CHSY3: variants seen among roughly 807,000 people sequenced by gnomAD.
The protein encoded by CHSY3 is N-acetylgalactosaminyl-proteoglycan 3-beta-glucuronosyltransferase 3.
Under a neutral mutation model 67.2 loss-of-function variants are expected in CHSY3, and 35 were observed. That is an observed-to-expected ratio of 0.52 (90% confidence interval 0.40 to 0.69). The LOEUF (loss-of-function observed/expected upper bound fraction) is 0.69. CHSY3 is among the 30% of genes least tolerant of loss of function. The probability of loss-of-function intolerance (pLI) is 0.00; values close to 1 mark genes in which losing one functional copy is unlikely to be tolerated. For missense variants in CHSY3, 1,069 were observed against 1,138.5 expected (o/e 0.94, Z 0.88); for synonymous variants, 474 against 434.7 (o/e 1.09, Z -1.12).
chr5:130,036,715 A>G (rs1200927881), intron 2 of CHSY3, among the ~76,000 whole-genome samples: 3 of 152,134 alleles, frequency 2.0e-5, no homozygotes, highest in Non-Finnish European at 4.4e-5. Flanking sequence ...TTTTGTTTTA[A>G]CATGGATTAG....
At chr5:129,911,772 A>G (rs1338452022) in intron 2 of CHSY3, among the ~76,000 whole-genome samples, 2 of 152,150 alleles carry the variant, frequency 1.3e-5, no homozygotes, top group African/African-American at 4.8e-5. Flanking sequence ...AAAACTTACT[A>G]TGGGCTGGGC....
intron 2 of CHSY3, among the ~76,000 whole-genome samples, chr5:130,126,348 C>T (rs1561548906): frequency 6.6e-6 from 1 of 152,066 alleles, no homozygotes; most frequent in Non-Finnish European, 1.5e-5. Context: ...ACTATTCTGC[C>T]TCCAAATCTT....
chr5:130,145,741 ACAACT>A (rs1037026493), intron 2 of CHSY3, among the ~76,000 whole-genome samples: 2 of 152,192 alleles, frequency 1.3e-5, no homozygotes, highest in Non-Finnish European at 2.9e-5. Flanking sequence ...AGTAATTTAA[ACAACT>A]CAACAGCAAA....
chr5:130,049,749 G>A (rs1033385920), intron 2 of CHSY3, among the ~76,000 whole-genome samples: 7 of 145,168 alleles, frequency 4.8e-5, no homozygotes, highest in South Asian at 4.5e-4. Flanking sequence ...ATTATAAAAC[G>A]TTCCCTATAT....
chr5:130,098,639 TG>T (rs1767128782), intron 2 of CHSY3, among the ~76,000 whole-genome samples: 1 of 152,216 alleles, frequency 6.6e-6, no homozygotes, highest in African/African-American at 2.4e-5. Flanking sequence ...TACTACCTGA[TG>T]GAGTAGGTTC....
intron 2 of CHSY3, among the ~76,000 whole-genome samples, chr5:130,108,074 A>T (rs1767468962): frequency 6.6e-6 from 1 of 151,590 alleles, no homozygotes; most frequent in South Asian, 2.1e-4. Context: ...TTTCATATAT[A>T]TTTTTAATTG....
At chr5:129,997,179 C>A (rs1580630087) in intron 2 of CHSY3, among the ~76,000 whole-genome samples, 1 of 149,794 alleles carries the variant, frequency 6.7e-6, no homozygotes. Flanking sequence ...CTTTTTTAAA[C>A]AAATTAAGTA....
At chr5:130,091,492 A>G (rs535453831) in intron 2 of CHSY3, among the ~76,000 whole-genome samples, 1 of 152,306 alleles carries the variant, frequency 6.6e-6, no homozygotes, top group Non-Finnish European at 1.5e-5. Flanking sequence ...GGATAGCTTA[A>G]ATGTTGGATG....
chr5:129,908,895 G>C (rs759021499), intron 2 of CHSY3, among the ~76,000 whole-genome samples: 1 of 152,050 alleles, frequency 6.6e-6, no homozygotes, highest in Non-Finnish European at 1.5e-5. Flanking sequence ...ATTTATGGTA[G>C]ATGTATTCAC....
At position 130,054,110 on chromosome 5, in the gene CHSY3, C is replaced by CTTTCACGCT. The variant is rs1378867502; in HGVS notation, c.1087-130116_1087-130108dup. On this transcript the variant is annotated intron_variant, in intron 2 of 2. Transcript: ENST00000305031. ...CAGTCCTTCATATCCTTTGGCTTTA[C>CTTTCACGCT]TTTCACGCTTTGTATCTCTTGGTAT... 2.6e-5 allele frequency among the ~76,000 whole-genome samples: 4 copies of CTTTCACGCT among 152,250 alleles called. No individual in the cohort carries two copies. The East Asian group carries it at 7.7e-4, about 29-fold the overall frequency.
At chr5:129,913,080 T>A (rs1760621889) in intron 2 of CHSY3, among the ~76,000 whole-genome samples, 1 of 152,250 alleles carries the variant, frequency 6.6e-6, no homozygotes, top group African/African-American at 2.4e-5. Context: ...AGCTGCAATC[T>A]GGCAGTTTGG....
At chr5:130,110,560 A>G (rs1430970156) in intron 2 of CHSY3, among the ~76,000 whole-genome samples, 1 of 152,006 alleles carries the variant, frequency 6.6e-6, no homozygotes, top group Non-Finnish European at 1.5e-5. Flanking sequence ...CAGTATGTGA[A>G]GCCCAGACCT....
chr5:130,182,314 G>A (rs893302485), intron 2 of CHSY3, among the ~76,000 whole-genome samples: 1 of 151,836 alleles, frequency 6.6e-6, no homozygotes, highest in African/African-American at 2.4e-5. Context: ...ACTCATTCAG[G>A]TTTTCTTTGT....
At chr5:130,140,603 C>T (rs1475380885) in intron 2 of CHSY3, 1 of 444,494 alleles carries the variant, frequency 2.2e-6, no homozygotes. Flanking sequence ...AAGAAACATG[C>T]TGATCTTTGA....
At chr5:130,111,030 T>C (rs1340811215) in intron 2 of CHSY3, among the ~76,000 whole-genome samples, 1 of 152,036 alleles carries the variant, frequency 6.6e-6, no homozygotes, top group Non-Finnish European at 1.5e-5. Flanking sequence ...TGTTACTCAT[T>C]CACAAACCTC....
intron 2 of CHSY3, among the ~76,000 whole-genome samples, chr5:130,138,300 G>T (rs960092714): frequency 1.3e-5 from 2 of 152,154 alleles, no homozygotes; most frequent in African/African-American, 4.8e-5. Flanking sequence ...CTCCTCAGGC[G>T]TCTAAGGGCA....
chr5:129,958,350 C>T (rs538098573), intron 2 of CHSY3, among the ~76,000 whole-genome samples: 1 of 151,990 alleles, frequency 6.6e-6, no homozygotes, highest in Non-Finnish European at 1.5e-5. Context: ...CCAGCTGGGC[C>T]TTTCTTGGGA....
intron 2 of CHSY3, among the ~76,000 whole-genome samples, chr5:129,972,004 C>T (rs1041420149): frequency 6.6e-6 from 1 of 151,926 alleles, no homozygotes; most frequent in Non-Finnish European, 1.5e-5. Flanking sequence ...GGGCTGCTTC[C>T]CCTAGAGCAC....
intron 2 of CHSY3, among the ~76,000 whole-genome samples, chr5:130,153,794 A>C (rs916990910): frequency 1.3e-5 from 2 of 151,854 alleles, no homozygotes; most frequent in East Asian, 3.9e-4. Context: ...TACTTGGTTC[A>C]TTGTTCATTT....
Sources: allele counts gnomAD v4.1 joint callset (sites outside exome capture counted in the v4.1 genomes callset), GRCh38; gene constraint gnomAD v4.1.1; transcripts MANE v1.5; gene names NCBI Gene and HGNC (gene_info 2026-07-23, HGNC 2026-07-21).